KCTD8: variants seen among roughly 807,000 people sequenced by gnomAD.
KCTD8 encodes the protein potassium channel tetramerization domain containing 8.
Under a neutral mutation model 31.5 loss-of-function variants are expected in KCTD8, and 27 were observed. The ratio of observed to expected loss-of-function variants is 0.86; its 90% CI spans 0.63 to 1.18. The LOEUF is 1.18. Ranked by LOEUF, KCTD8 falls within the 50% of genes most tolerant of loss-of-function variation. The pLI is 0.00. For missense variants in KCTD8, 658 were observed against 647.7 expected (o/e 1.02, Z -0.17); for synonymous variants, 290 against 280.0 (o/e 1.04, Z -0.36).
chr4:44,446,867 A>C (rs1577675743), intron 1 of KCTD8, among the ~76,000 whole-genome samples: 2 of 148,820 alleles, frequency 1.3e-5, no homozygotes, highest in African/African-American at 2.5e-5. Flanking sequence ...AATTCCTTCC[A>C]CCCTCCCCTG....
intron 1 of KCTD8, among the ~76,000 whole-genome samples, chr4:44,305,133 G>A (rs541742385): frequency 2.2e-4 from 33 of 151,574 alleles, no homozygotes; most frequent in African/African-American, 7.5e-4. Context: ...TAACTAGAAT[G>A]AAAAATAAAA....
intron 1 of KCTD8, among the ~76,000 whole-genome samples, chr4:44,440,088 C>T (rs111894059): frequency 3.4e-4 from 51 of 151,954 alleles, no homozygotes; most frequent in Non-Finnish European, 6.5e-4. Flanking sequence ...CCCGCCACCA[C>T]GCCCAGCTAA....
At chr4:44,245,892 C>A (rs941267850) in intron 1 of KCTD8, among the ~76,000 whole-genome samples, 6 of 151,942 alleles carry the variant, frequency 3.9e-5, no homozygotes, top group African/African-American at 7.2e-5. Context: ...ACAAAATATA[C>A]CACCTGTATA....
At chr4:44,187,851 C>T (rs1171467043) in intron 1 of KCTD8, among the ~76,000 whole-genome samples, 1 of 152,006 alleles carries the variant, frequency 6.6e-6, no homozygotes, top group East Asian at 1.9e-4. Context: ...TAAAACCACG[C>T]TGGTTGTAAA....
intron 1 of KCTD8, among the ~76,000 whole-genome samples, chr4:44,333,291 C>A (rs1165692291): frequency 6.6e-6 from 1 of 152,074 alleles, no homozygotes; most frequent in Admixed American, 6.6e-5. Context: ...AAATTACACA[C>A]AATAGCAGGC....
At chr4:44,396,070 T>G (rs1720498131) in intron 1 of KCTD8, among the ~76,000 whole-genome samples, 1 of 152,098 alleles carries the variant, frequency 6.6e-6, no homozygotes, top group African/African-American at 2.4e-5. Context: ...GCCCTGAGCT[T>G]GTTTTCCTGC....
At chr4:44,209,567 C>CTGAT (rs200328373) in intron 1 of KCTD8, among the ~76,000 whole-genome samples, 5 of 151,458 alleles carry the variant, frequency 3.3e-5, no homozygotes, top group African/African-American at 9.7e-5. Flanking sequence ...ACACAGATGA[C>CTGAT]TGATTGATTG....
chr4:44,347,986 A>G (rs1719079027), intron 1 of KCTD8, among the ~76,000 whole-genome samples: 2 of 152,172 alleles, frequency 1.3e-5, no homozygotes, highest in Non-Finnish European at 1.5e-5. Context: ...TATGAATATC[A>G]CAGTTGGAGA....
intron 1 of KCTD8, among the ~76,000 whole-genome samples, chr4:44,341,053 T>C (rs532064917): frequency 6.6e-6 from 1 of 152,262 alleles, no homozygotes; most frequent in Admixed American, 6.5e-5. Flanking sequence ...ATATTGTGGG[T>C]TTGGTTTGAG....
chr4:44,188,006 C>T (rs1296897501), intron 1 of KCTD8, among the ~76,000 whole-genome samples: 1 of 150,526 alleles, frequency 6.6e-6, no homozygotes, highest in Non-Finnish European at 1.5e-5. Flanking sequence ...TATATACATG[C>T]ACACACAAAA....
At chr4:44,278,885 T>C (rs1716822291) in intron 1 of KCTD8, among the ~76,000 whole-genome samples, 1 of 152,048 alleles carries the variant, frequency 6.6e-6, no homozygotes, top group African/African-American at 2.4e-5. Flanking sequence ...CCCAATATTT[T>C]CTTTATTGAT....
chr4:44,412,132 G>C (rs1346309346), intron 1 of KCTD8, among the ~76,000 whole-genome samples: 2 of 152,062 alleles, frequency 1.3e-5, no homozygotes, highest in Non-Finnish European at 2.9e-5. Flanking sequence ...ATTGAGAGAA[G>C]ATATTCATGT....
At chr4:44,199,678 T>C (rs1026929376) in intron 1 of KCTD8, among the ~76,000 whole-genome samples, 1 of 152,086 alleles carries the variant, frequency 6.6e-6, no homozygotes. Context: ...TTTATAGTAT[T>C]AAATGCCTTC....
At chr4:44,198,624 C>T (rs1714020384) in intron 1 of KCTD8, among the ~76,000 whole-genome samples, 1 of 152,034 alleles carries the variant, frequency 6.6e-6, no homozygotes. Flanking sequence ...AATGTGTTAC[C>T]ACCAGACCAG....
chr4:44,379,307 C>T (rs944370848), intron 1 of KCTD8, among the ~76,000 whole-genome samples: 1 of 152,028 alleles, frequency 6.6e-6, no homozygotes, highest in African/African-American at 2.4e-5. Context: ...TTTGAGTACA[C>T]AATGTAAATG....
rs551608617 is a variant in KCTD8 at position 44,268,540 on chromosome 4, C to A, written c.962-93290G>T. Among the ~76,000 whole-genome samples, 1,371 of 152,128 alleles carry A rather than the reference C, an allele frequency of 9.0e-3. 15 individuals carry two copies. Among genetic ancestry groups the A allele is most frequent in the African/African-American group, 0.031 (1,285 of 41,508 alleles). ...TTCAACACAGTATTGGAAGTTCTGGCCAGGGCAATTAGGCAGGAGAAGGAA... is the reference window on the plus strand; with the variant it reads ...TTCAACACAGTATTGGAAGTTCTGGACAGGGCAATTAGGCAGGAGAAGGAA... On this transcript the variant is annotated intron_variant, in intron 1 of 1. Coordinates refer to ENST00000360029, the MANE Select transcript of KCTD8 (RefSeq NM_198353.3).
intron 1 of KCTD8, among the ~76,000 whole-genome samples, chr4:44,228,827 G>A (rs1001065235): frequency 6.6e-6 from 1 of 152,208 alleles, no homozygotes; most frequent in African/African-American, 2.4e-5. Context: ...ATACATTAAA[G>A]AGTTTCAATA....
chr4:44,300,358 A>G (rs908944380), intron 1 of KCTD8, among the ~76,000 whole-genome samples: 2 of 152,196 alleles, frequency 1.3e-5, no homozygotes, highest in Non-Finnish European at 2.9e-5. Context: ...GGTTATATTC[A>G]TGTACATCAT....
At chr4:44,412,527 C>A (rs1248448585) in intron 1 of KCTD8, among the ~76,000 whole-genome samples, 1 of 152,100 alleles carries the variant, frequency 6.6e-6, no homozygotes, top group Non-Finnish European at 1.5e-5. Context: ...AGATACTATG[C>A]AATACCTTTA....
Sources: allele counts gnomAD v4.1 joint callset (sites outside exome capture counted in the v4.1 genomes callset), GRCh38; gene constraint gnomAD v4.1.1; transcripts MANE v1.5; gene names NCBI Gene and HGNC (gene_info 2026-07-23, HGNC 2026-07-21).